NUAK1: variants seen among roughly 807,000 people sequenced by gnomAD.
The protein encoded by NUAK1 is NUAK family kinase 1, also known as NUAK family SNF1-like kinase 1.
In NUAK1, 26 loss-of-function variants were observed where a neutral mutation model predicts 56.9. The observed-to-expected ratio is 0.46, with a 90% CI of 0.33 to 0.63. NUAK1 has a LOEUF of 0.63. Among genes scored for constraint, NUAK1 ranks in the 30% least tolerant of loss-of-function variants. The pLI is 0.02. For synonymous variants in NUAK1, 337 were observed against 336.0 expected, an observed-to-expected ratio of 1.00 and a Z score of -0.03; for missense variants, 727 against 876.1, an observed-to-expected ratio of 0.83 and a Z score of 2.15.
chr12:106,067,521 G>T lies in NUAK1; in HGVS notation c.1267C>A (p.Pro423Thr). 6.2e-7 allele frequency: 1 copy of T among 1,614,174 alleles called. No individual in the cohort carries two copies. Among genetic ancestry groups the T allele is most frequent in the African/African-American group, 1.3e-5 (1 of 75,048 alleles). The change falls in exon 7 of 7, where the codon CCT (proline) becomes ACT (threonine). Residue 423 changes from proline (P) to threonine (T), a missense_variant. Physicochemically the swap from Pro to Thr is conservative, Grantham distance 38 (BLOSUM62 -1). Transcript: ENST00000261402. The surrounding 1 kb of genome is among the most constrained non-coding windows in gnomAD (Gnocchi z 6.0). ...STGFIEGVVG[P>T]ALPSTFKMEQ... Reference sequence around the variant, plus strand: ...ATCTTGAAAGTAGAGGGTAAGGCAGGACCAACTACACCTTCAATGAAGCCA... The same window carrying T: ...ATCTTGAAAGTAGAGGGTAAGGCAGTACCAACTACACCTTCAATGAAGCCA...
At chr12:106,091,140 T>C (rs1236844030) in intron 2 of NUAK1, among the ~76,000 whole-genome samples, 1 of 152,204 alleles carries the variant, frequency 6.6e-6, no homozygotes, top group Non-Finnish European at 1.5e-5. Context: ...CCAGAAATCT[T>C]GTCTGTGTTT....
At chr12:106,093,180 T>A (rs943088681) in intron 2 of NUAK1, among the ~76,000 whole-genome samples, 3 of 152,336 alleles carry the variant, frequency 2.0e-5, no homozygotes, top group African/African-American at 7.2e-5. Context: ...AAAGCAGGCA[T>A]GGAACTGAAC....
At chr12:106,132,401 T>C (rs1006042123) in intron 1 of NUAK1, among the ~76,000 whole-genome samples, 4 of 152,212 alleles carry the variant, frequency 2.6e-5, no homozygotes, top group African/African-American at 4.8e-5. Context: ...ATGTGAGGCA[T>C]TGACAATAAG....
chr12:106,124,663 C>T (rs982940683), intron 1 of NUAK1, among the ~76,000 whole-genome samples: 1 of 152,194 alleles, frequency 6.6e-6, no homozygotes, highest in Non-Finnish European at 1.5e-5. Flanking sequence ...CTCACCATGG[C>T]TGTCTCCCTA....
chr12:106,079,602 A>C (rs1188457516), intron 4 of NUAK1, among the ~76,000 whole-genome samples: 3 of 152,174 alleles, frequency 2.0e-5, no homozygotes, highest in African/African-American at 7.2e-5. Flanking sequence ...AGCCAGAGAG[A>C]GCTTGGTGGA....
In NUAK1 at chr12:106,066,196, G is replaced by C. The variant is rs2032336058; in HGVS notation, c.*606C>G. The C allele has an allele frequency of 6.4e-6, 1 of 156,280 alleles. No homozygotes were observed. The highest frequency in any genetic ancestry group is 1.4e-5 in the Non-Finnish European group (1 of 70,662). 9.7% of individuals were successfully genotyped at this position (156,280 alleles called of 1,614,324 possible). On this transcript the variant is annotated 3_prime_UTR_variant, in exon 7 of 7. Coordinates refer to ENST00000261402, the MANE Select transcript of NUAK1 (RefSeq NM_014840.3). ...CAAAGATGACAACTACATAGCATTA[G>C]TGCTACTGCTTCCCCTTCCCTTTCC...
intron 1 of NUAK1, among the ~76,000 whole-genome samples, chr12:106,117,718 C>A (rs182979915): frequency 6.6e-6 from 1 of 152,326 alleles, no homozygotes; most frequent in African/African-American, 2.4e-5. Context: ...GCAGGAAGTC[C>A]AGCTTCATTC....
chr12:106,071,821 T>C (rs1280537865), intron 5 of NUAK1, among the ~76,000 whole-genome samples: 1 of 152,210 alleles, frequency 6.6e-6, no homozygotes. Context: ...TTTCTCTTCA[T>C]TGCAGTTAAT....
At chr12:106,098,654 C>T (rs1351177892) in intron 2 of NUAK1, among the ~76,000 whole-genome samples, 1 of 152,172 alleles carries the variant, frequency 6.6e-6, no homozygotes, top group African/African-American at 2.4e-5. Flanking sequence ...AAAGGGAAGT[C>T]ACAGGCCGAA....
At chr12:106,117,411 C>T (rs1262593090) in intron 1 of NUAK1, among the ~76,000 whole-genome samples, 1 of 152,108 alleles carries the variant, frequency 6.6e-6, no homozygotes, top group African/African-American at 2.4e-5. Flanking sequence ...ACCAGAAAAC[C>T]GAGTCTCACT....
At chr12:106,084,054 T>C in intron 3 of NUAK1, 125 bp from the exon 4 acceptor site, 1 of 804,208 alleles carries the variant, frequency 1.2e-6, no homozygotes, top group Admixed American at 2.1e-5. Context: ...ACCAGCCCGG[T>C]GGTCTTCACC....
chr12:106,072,247 A>T (rs1320436272), intron 5 of NUAK1, among the ~76,000 whole-genome samples: 1 of 152,252 alleles, frequency 6.6e-6, no homozygotes, highest in Non-Finnish European at 1.5e-5. Context: ...CTAAATGTTC[A>T]CATCTAGACA....
intron 1 of NUAK1, among the ~76,000 whole-genome samples, chr12:106,111,797 T>C (rs552591239): frequency 3.4e-4 from 52 of 151,906 alleles, no homozygotes; most frequent in African/African-American, 1.2e-3. Flanking sequence ...GTGTTAATCA[T>C]GTGCCAGTGG....
At chr12:106,091,990 G>A (rs928248060) in intron 2 of NUAK1, among the ~76,000 whole-genome samples, 4 of 151,990 alleles carry the variant, frequency 2.6e-5, no homozygotes, top group African/African-American at 9.7e-5. Flanking sequence ...GAGGCTGGGA[G>A]TTTGAGACCA....
At chr12:106,098,183 G>C (rs545007829) in intron 2 of NUAK1, among the ~76,000 whole-genome samples, 8 of 152,288 alleles carry the variant, frequency 5.3e-5, no homozygotes, top group East Asian at 3.9e-4. Flanking sequence ...CAAATCTCAG[G>C]GAGCACAGGT....
intron 1 of NUAK1, among the ~76,000 whole-genome samples, chr12:106,122,143 C>A (rs141152278): frequency 6.6e-6 from 1 of 152,122 alleles, no homozygotes; most frequent in Non-Finnish European, 1.5e-5. Flanking sequence ...TCCTTGGGGG[C>A]AGGGGTGGAT....
intron 1 of NUAK1, among the ~76,000 whole-genome samples, chr12:106,135,717 A>G (rs979046526): frequency 1.3e-5 from 2 of 152,246 alleles, no homozygotes; most frequent in Non-Finnish European, 2.9e-5. Context: ...TTCTACCCAA[A>G]GATCAAAAGG....
chr12:106,087,014 A>G, intron 2 of NUAK1, 129 bp from the exon 3 acceptor site: 6 of 1,188,338 alleles, frequency 5.0e-6, no homozygotes, highest in Non-Finnish European at 7.1e-6. Context: ...TCAGAACACA[A>G]ATCAGCCAAT....
At chr12:106,127,776 G>C (rs372362216) in intron 1 of NUAK1, among the ~76,000 whole-genome samples, 7 of 152,134 alleles carry the variant, frequency 4.6e-5, no homozygotes, top group African/African-American at 1.7e-4. Context: ...CTACGAGCTG[G>C]AAGGGACCCT....
Sources: allele counts gnomAD v4.1 joint callset (sites outside exome capture counted in the v4.1 genomes callset), GRCh38; gene constraint gnomAD v4.1.1; non-coding constraint Gnocchi (gnomAD v3.1); transcripts MANE v1.5; gene names NCBI Gene and HGNC (gene_info 2026-07-23, HGNC 2026-07-21).